CENPW: variants seen among roughly 807,000 people sequenced by gnomAD.
CENPW encodes the protein cancer-up-regulated gene 2 protein.
A neutral mutation model predicts 11.1 loss-of-function variants in CENPW; 3 were observed. That is an observed-to-expected ratio of 0.27 (90% CI 0.12 to 0.70). The LOEUF is 0.70. Ranked by LOEUF, CENPW falls within the 30% of genes least tolerant of loss-of-function variation. CENPW has a pLI of 0.77. For missense variants in CENPW, 100 were observed against 105.6 expected (o/e 0.95, Z 0.23); for synonymous variants, 38 against 42.0 (o/e 0.91, Z 0.37).
the CENPW span, among the ~76,000 whole-genome samples, chr6:126,364,199 G>A: frequency 1.4e-4 from 21 of 152,204 alleles, no homozygotes; most frequent in South Asian, 4.1e-4. Flanking sequence ...GCTATCCTAC[G>A]CCAGTTGAGC....
the CENPW span, among the ~76,000 whole-genome samples, chr6:126,374,761 T>C: frequency 6.6e-6 from 1 of 152,324 alleles, no homozygotes; most frequent in South Asian, 2.1e-4. Flanking sequence ...TCCAAGTATA[T>C]AATAAATAAT....
chr6:126,367,778 G>A, the CENPW span, among the ~76,000 whole-genome samples: 1 of 152,232 alleles, frequency 6.6e-6, no homozygotes, highest in East Asian at 1.9e-4. Context: ...CAGGTATGAA[G>A]TAATTACACC....
At chr6:126,461,678 C>A in the CENPW span, among the ~76,000 whole-genome samples, 2 of 151,718 alleles carry the variant, frequency 1.3e-5, no homozygotes, top group African/African-American at 4.8e-5. Context: ...GTCACTTTAC[C>A]ATATTATCTC....
chr6:126,451,559 G>T, the CENPW span, among the ~76,000 whole-genome samples: 2 of 151,022 alleles, frequency 1.3e-5, no homozygotes, highest in Non-Finnish European at 3.0e-5. Context: ...CCTGCACACT[G>T]GTCCCCAAGC....
At chr6:126,422,949 T>C in the CENPW span, among the ~76,000 whole-genome samples, 37 of 152,248 alleles carry the variant, frequency 2.4e-4, no homozygotes, top group Middle Eastern at 3.4e-3. Context: ...CAGTGAATTG[T>C]TTTCCCAAGG....
At chr6:126,469,205 G>T in the CENPW span, among the ~76,000 whole-genome samples, 1 of 152,150 alleles carries the variant, frequency 6.6e-6, no homozygotes, top group African/African-American at 2.4e-5. Flanking sequence ...GGTGGGAGAT[G>T]ACTGGATCAT....
chr6:126,410,609 T>C, the CENPW span, among the ~76,000 whole-genome samples: 1 of 151,054 alleles, frequency 6.6e-6, no homozygotes, highest in East Asian at 2.0e-4. Flanking sequence ...TTTTCCTGTC[T>C]TCTGCTTGTG....
intron 1 of CENPW, among the ~76,000 whole-genome samples, chr6:126,344,449 A>G (rs1780370032): frequency 6.6e-6 from 1 of 152,172 alleles, no homozygotes; most frequent in Admixed American, 6.5e-5. Context: ...AGGAATTTGG[A>G]ATTTATCCTG....
the CENPW span, among the ~76,000 whole-genome samples, chr6:126,405,850 GA>G: frequency 1.3e-5 from 2 of 151,858 alleles, no homozygotes; most frequent in Non-Finnish European, 2.9e-5. Context: ...TTATATCTTG[GA>G]AGTTTATTGA....
intron 2 of CENPW, among the ~76,000 whole-genome samples, chr6:126,347,509 C>T (rs1341094237): frequency 6.6e-6 from 1 of 152,040 alleles, no homozygotes; most frequent in Non-Finnish European, 1.5e-5. Flanking sequence ...TTTGAGTATT[C>T]AAACTTTCTT....
chr6:126,370,656 CT>C, the CENPW span, among the ~76,000 whole-genome samples: 18 of 152,002 alleles, frequency 1.2e-4, no homozygotes, highest in African/African-American at 4.3e-4. Flanking sequence ...GTTCTAGGAG[CT>C]TTTTGGGAGA....
At chr6:126,366,552 C>G in the CENPW span, among the ~76,000 whole-genome samples, 1 of 152,036 alleles carries the variant, frequency 6.6e-6, no homozygotes, top group Non-Finnish European at 1.5e-5. Context: ...TTGAATAATA[C>G]CTTTATGAGT....
chr6:126,469,765 C>T, the CENPW span, among the ~76,000 whole-genome samples: 1 of 152,168 alleles, frequency 6.6e-6, no homozygotes, highest in African/African-American at 2.4e-5. Context: ...TCTTGCTACG[C>T]TTTAGCAAAG....
the CENPW span, among the ~76,000 whole-genome samples, chr6:126,381,644 C>G: frequency 5.3e-5 from 8 of 152,320 alleles, 1 homozygote; most frequent in Middle Eastern, 6.8e-3. Flanking sequence ...CGCCAGCCAA[C>G]CAACATGCAC....
At chr6:126,344,971 A>G (rs924115956) in intron 1 of CENPW, among the ~76,000 whole-genome samples, 8 of 152,134 alleles carry the variant, frequency 5.3e-5, no homozygotes, top group Non-Finnish European at 1.0e-4. Flanking sequence ...TAAAGACACT[A>G]TCTAATTGGA....
the CENPW span, among the ~76,000 whole-genome samples, chr6:126,455,099 C>T: frequency 6.6e-6 from 1 of 150,998 alleles, no homozygotes; most frequent in Non-Finnish European, 1.5e-5. Flanking sequence ...ACCAGAAAAA[C>T]CCCAGGACCA....
the CENPW span, among the ~76,000 whole-genome samples, chr6:126,432,066 C>CAAAAA: frequency 8.2e-5 from 3 of 36,550 alleles, no homozygotes; most frequent in South Asian, 1.5e-3. Context: ...CTCCATCTCA[C>CAAAAA]AAAAAAAAAA....
chr6:126,430,725 G>A, the CENPW span, among the ~76,000 whole-genome samples: 1 of 152,240 alleles, frequency 6.6e-6, no homozygotes, highest in East Asian at 1.9e-4. Context: ...GCCGAGGTGG[G>A]CAGATCACGA....
chr6:126,340,379 G>C lies in CENPW; in HGVS notation c.106G>C (p.Glu36Gln). The stretch of plus-strand genomic sequence containing the variant: ...GCGAAAGAAGCCTCAACTTCGTCTG[G>C]AGAAAAGTGGTGACTTATTGGTGAG... The part of the protein sequence containing the change: ...FKRKKPQLRL[E>Q]KSGDLLVHLN... The change falls in exon 1 of 3, where the codon GAG (glutamate) becomes CAG (glutamine). Residue 36 changes from glutamate (E) to glutamine (Q), a missense_variant. By Grantham distance (29) the Glu-to-Gln change is conservative. Coordinates refer to ENST00000368328, the MANE Select transcript of CENPW (RefSeq NM_001012507.4). 3 of 1,614,176 alleles carry C rather than the reference G, an allele frequency of 1.9e-6. No homozygotes were observed. The highest frequency in any genetic ancestry group is 2.5e-6 in the Non-Finnish European group (3 of 1,180,034).
Sources: gnomAD v4.1 joint callset for allele counts (sites outside exome capture counted in the v4.1 genomes callset) on GRCh38, gnomAD v4.1.1 for gene constraint, MANE v1.5 for transcripts, NCBI Gene and HGNC (gene_info 2026-07-23, HGNC 2026-07-21) for gene names.